The following ATP6V1C2 variants were observed in gnomAD, a reference collection of about 807,000 sequenced individuals.
The protein encoded by ATP6V1C2 is ATPase H+ transporting V1 subunit C2.
ATP6V1C2 carries 45 observed loss-of-function variants against 56.8 expected under a neutral mutation model. The observed-to-expected ratio is 0.79, with a 90% CI of 0.62 to 1.02. The LOEUF is 1.02. ATP6V1C2 is among the 50% of genes least tolerant of loss of function. The pLI is 0.00. For synonymous variants in ATP6V1C2, 220 were observed against 201.3 expected, an observed-to-expected ratio of 1.09 and a Z score of -0.79; for missense variants, 463 against 519.7, an observed-to-expected ratio of 0.89 and a Z score of 1.06.
intron 3 of ATP6V1C2, among the ~76,000 whole-genome samples, chr2:10,734,794 T>C (rs577674013): frequency 6.6e-6 from 1 of 152,310 alleles, no homozygotes; most frequent in East Asian, 1.9e-4. Context: ...TTCTCTTCCA[T>C]TCCACCCTCC....
intron 3 of ATP6V1C2, among the ~76,000 whole-genome samples, chr2:10,739,069 G>T (rs976485437): frequency 6.6e-6 from 1 of 152,290 alleles, no homozygotes; most frequent in South Asian, 2.1e-4. Context: ...ATCACCTGGG[G>T]TCGGAAGTTG....
rs1664093020 is a variant in ATP6V1C2 at position 10,764,277 on chromosome 2, A to G, written c.284-54A>G. 1.1e-5 allele frequency: 16 copies of G among 1,470,860 alleles called. No homozygotes were observed. The South Asian group carries it at 1.4e-4, about 13-fold the overall frequency. 91.1% of individuals were successfully genotyped at this position (1,470,860 alleles called of 1,614,324 possible). A position where few individuals can be genotyped will look rare whatever the true frequency, so the allele number is the denominator to read the frequency against. On this transcript the variant is annotated intron_variant, in intron 4 of 13. Coordinates refer to ENST00000272238, the MANE Select transcript of ATP6V1C2 (RefSeq NM_001039362.2). Reference sequence around the variant, plus strand: ...CTTGGCTTGGGATTCCGAAGTCTCAATCATGGATGCAGAGCGCAGGCTCAT... The same window carrying G: ...CTTGGCTTGGGATTCCGAAGTCTCAGTCATGGATGCAGAGCGCAGGCTCAT...
chr2:10,759,851 G>A (rs1663795020), intron 4 of ATP6V1C2, among the ~76,000 whole-genome samples: 1 of 152,128 alleles, frequency 6.6e-6, no homozygotes, highest in Non-Finnish European at 1.5e-5. Flanking sequence ...AGAGGTCAAG[G>A]AGCTTATATC....
rs532087623 is a variant in ATP6V1C2 at position 10,779,939 on chromosome 2, C to A, written c.1061+1270C>A. 2.6e-5 allele frequency among the ~76,000 whole-genome samples: 4 copies of A among 152,232 alleles called. No individual in the cohort carries two copies. The South Asian group carries it at 8.3e-4, about 32-fold the overall frequency. On this transcript the variant is annotated intron_variant, in intron 12 of 13. Transcript: ENST00000272238. Reference sequence around the variant, plus strand: ...CTTTTCTGCCCTGTGTGGCTGCGTCCCGCGTCACGGAGCACTGCGCACCGC... The same window carrying A: ...CTTTTCTGCCCTGTGTGGCTGCGTCACGCGTCACGGAGCACTGCGCACCGC...
chr2:10,756,523 G>C (rs910173400), intron 4 of ATP6V1C2, among the ~76,000 whole-genome samples: 10 of 152,060 alleles, frequency 6.6e-5, no homozygotes, highest in Non-Finnish European at 1.0e-4. Context: ...TTCAAGACCA[G>C]CCTGGCCAAC....
At position 10,777,641 on chromosome 2, in the gene ATP6V1C2, T is replaced by C; in HGVS notation, c.882T>C (p.Val294=). 6.2e-7 allele frequency: 1 copy of C among 1,614,108 alleles called. No individual in the cohort carries two copies. Among genetic ancestry groups the C allele is most frequent in the Non-Finnish European group, 8.5e-7 (1 of 1,179,990 alleles). The change falls in exon 11 of 14, where the codon GTT becomes GTC. Residue 294 remains valine, a synonymous_variant. Coordinates refer to ENST00000272238, the MANE Select transcript of ATP6V1C2 (RefSeq NM_001039362.2). Reference sequence around the variant, plus strand: ...CATCCACCTTCCCGGACCACAAGGTTAAGGTAACCCCGCTAGGTAACCCTG... The same window carrying C: ...CATCCACCTTCCCGGACCACAAGGTCAAGGTAACCCCGCTAGGTAACCCTG... The part of the protein sequence containing the change: ...KGSSTFPDHK[V]KVTPLGNPDR...
chr2:10,747,582 G>A (rs1335178515), intron 3 of ATP6V1C2, among the ~76,000 whole-genome samples: 1 of 152,084 alleles, frequency 6.6e-6, no homozygotes, highest in Non-Finnish European at 1.5e-5. Flanking sequence ...TTTCTAAGCT[G>A]GGGACAGTGG....
Position 10,764,397 on chromosome 2 carries a change from T to G in ATP6V1C2, c.350T>G (p.Leu117Arg). The change falls in exon 5 of 14, where the codon CTC becomes CGC. Residue 117 changes from leucine (L) to arginine (R), a missense_variant. By Grantham distance (102) the Leu-to-Arg change is moderately radical. Transcript: ENST00000272238. ...GCCAAATATCCTGTCAAGCAGCCGCTCGTGAGTGTGGTGGACACAATAGCC... is the reference window on the plus strand; with the variant it reads ...GCCAAATATCCTGTCAAGCAGCCGCGCGTGAGTGTGGTGGACACAATAGCC... Reference protein sequence around the residue: ...DMAKYPVKQPLVSVVDTIAKQ... With the variant: ...DMAKYPVKQPRVSVVDTIAKQ... The G allele has an allele frequency of 6.2e-7, 1 of 1,614,110 alleles. No homozygotes were observed. The highest frequency in any genetic ancestry group is 1.3e-5 in the African/African-American group (1 of 75,052).
In ATP6V1C2 at chr2:10,780,666, C is replaced by G. The variant is rs922016498; in HGVS notation, c.1062-1577C>G. On this transcript the variant is annotated intron_variant, in intron 12 of 13. Transcript: ENST00000272238. The surrounding 1 kb of genome is among the most constrained non-coding windows in gnomAD (Gnocchi z 4.1). ...TGCTCTCAGGCCTAACGGCCTAACA[C>G]AGTGAAGCCTGTCCATGCCTTCCAG... Among the ~76,000 whole-genome samples, 5 of 152,214 alleles carry G rather than the reference C, an allele frequency of 3.3e-5. No homozygotes were observed. Among genetic ancestry groups the G allele is most frequent in the African/African-American group, 1.2e-4 (5 of 41,454 alleles).
chr2:10,783,536 T>C lies in ATP6V1C2; in HGVS notation c.*273T>C. ...CGCATTGGTAACCTGCTGCTGTATT[T>C]CATGTCTTAACGGCTATTTTGAGGT... On this transcript the variant is annotated 3_prime_UTR_variant, in exon 14 of 14. Coordinates refer to ENST00000272238, the MANE Select transcript of ATP6V1C2 (RefSeq NM_001039362.2). The C allele has an allele frequency of 3.0e-6, 1 of 332,466 alleles. No individual in the cohort carries two copies. The highest frequency in any genetic ancestry group is 2.2e-5 in the African/African-American group (1 of 46,438). The allele number at this position is 332,466 out of a possible 1,614,324, so 20.6% of individuals were successfully genotyped here.
At chr2:10,768,839 CG>C (rs1394408147) in intron 6 of ATP6V1C2, 29 bp downstream of exon 6, 1 of 1,591,202 alleles carries the variant, frequency 6.3e-7, no homozygotes, top group Non-Finnish European at 8.6e-7. Context: ...CCACATCTGG[CG>C]GGGGCAGGTC....
intron 12 of ATP6V1C2, 43 bp downstream of exon 12, chr2:10,778,712 G>A (rs1665157704): frequency 6.3e-7 from 1 of 1,598,988 alleles, no homozygotes; most frequent in Non-Finnish European, 8.6e-7. Flanking sequence ...CCTGAGGATG[G>A]GCAGGGTCTG....
intron 8 of ATP6V1C2, among the ~76,000 whole-genome samples, chr2:10,774,303 A>G (rs918607868): frequency 1.6e-4 from 24 of 152,224 alleles, no homozygotes; most frequent in African/African-American, 5.8e-4. Context: ...CCTGGCCCCA[A>G]GAATTCCTGA....
chr2:10,723,897 G>A (rs1661498316), intron 2 of ATP6V1C2, among the ~76,000 whole-genome samples: 1 of 151,040 alleles, frequency 6.6e-6, no homozygotes, highest in Admixed American at 6.6e-5. Context: ...GAGTAGCTGG[G>A]ATTACAGGCG....
intron 4 of ATP6V1C2, 117 bp from the exon 5 acceptor site, chr2:10,764,214 C>A: frequency 1.2e-6 from 1 of 856,058 alleles, no homozygotes; most frequent in East Asian, 2.5e-5. Context: ...TGCCCGCCGG[C>A]GTTGCCCATG....
rs559172295 is a variant in ATP6V1C2, at chr2:10,763,804, G to C, written c.284-527G>C. Among the ~76,000 whole-genome samples, 1 of 152,316 alleles carries C rather than the reference G, an allele frequency of 6.6e-6. No homozygotes were observed. Among genetic ancestry groups the C allele is most frequent in the East Asian group, 1.9e-4 (1 of 5,184 alleles). ...GGGAAATTGATTCCCTCCTAGCCTA[G>C]AGCCCTGGGGGTTGAGTCAGCTGAG... On this transcript the variant is annotated intron_variant, in intron 4 of 13. Transcript: ENST00000272238. This position sits in a 1 kb window ranked among gnomAD's most constrained non-coding sequence, Gnocchi z 4.2.
chr2:10,744,899 G>A (rs1259931532), intron 3 of ATP6V1C2, among the ~76,000 whole-genome samples: 3 of 151,468 alleles, frequency 2.0e-5, no homozygotes, highest in Non-Finnish European at 4.4e-5. Flanking sequence ...TCAATCTCTT[G>A]ACCTCGTGAT....
chr2:10,727,667 G>A (rs1286898811), intron 3 of ATP6V1C2, among the ~76,000 whole-genome samples: 1 of 152,192 alleles, frequency 6.6e-6, no homozygotes, highest in African/African-American at 2.4e-5. Flanking sequence ...GGGAGGCCGA[G>A]GCAGGTGGAT....
At chr2:10,748,059 G>A (rs768525647) in intron 3 of ATP6V1C2, among the ~76,000 whole-genome samples, 17 of 151,950 alleles carry the variant, frequency 1.1e-4, no homozygotes, top group Non-Finnish European at 1.3e-4. Context: ...CACTACGCCC[G>A]GCTAATTTTT....
Sources: gnomAD v4.1 joint callset for allele counts (sites outside exome capture counted in the v4.1 genomes callset) on GRCh38, gnomAD v4.1.1 for gene constraint, Gnocchi (gnomAD v3.1) non-coding constraint, MANE v1.5 for transcripts, NCBI Gene and HGNC (gene_info 2026-07-23, HGNC 2026-07-21) for gene names.